Variants in TENM2 observed in about 807,000 individuals in gnomAD.
TENM2 encodes teneurin transmembrane protein 2.
TENM2 carries 52 observed loss-of-function variants against 245.2 expected under a neutral mutation model. That is an observed-to-expected ratio of 0.21 (90% confidence interval 0.17 to 0.27). The LOEUF is 0.27. Ranked by LOEUF, TENM2 falls within the 10% of genes least tolerant of loss-of-function variation. The pLI is 1.00. For synonymous variants in TENM2, 1,363 were observed against 1,438.9 expected, an observed-to-expected ratio of 0.95 and a Z score of 1.19; for missense variants, 3,046 against 3,666.8, an observed-to-expected ratio of 0.83 and a Z score of 4.37.
chr5:167,274,833 A>G, the TENM2 span, among the ~76,000 whole-genome samples: 1 of 151,900 alleles, frequency 6.6e-6, no homozygotes, highest in Non-Finnish European at 1.5e-5. Context: ...TCTTTTGCCA[A>G]TATTCTAATT....
chr5:167,494,648 A>G (rs752985997), intron 2 of TENM2, among the ~76,000 whole-genome samples: 5 of 152,138 alleles, frequency 3.3e-5, no homozygotes, highest in African/African-American at 7.2e-5. Flanking sequence ...AAGCCACCAC[A>G]TGAAAAGGAC....
chr5:167,747,784 G>A (rs1761694587), intron 2 of TENM2, among the ~76,000 whole-genome samples: 1 of 152,092 alleles, frequency 6.6e-6, no homozygotes, highest in Non-Finnish European at 1.5e-5. Context: ...GGACACAACA[G>A]GTAATCTTAT....
the TENM2 span, among the ~76,000 whole-genome samples, chr5:167,012,997 G>T: frequency 6.6e-6 from 1 of 152,186 alleles, no homozygotes. Flanking sequence ...GGGGAATATA[G>T]TAGTACAAGG....
chr5:167,005,519 C>T, the TENM2 span, among the ~76,000 whole-genome samples: 8 of 151,682 alleles, frequency 5.3e-5, no homozygotes, highest in African/African-American at 1.7e-4. Flanking sequence ...ATGAATAATG[C>T]GTACTATACT....
intron 5 of TENM2, among the ~76,000 whole-genome samples, chr5:168,013,393 C>T (rs561779408): frequency 6.6e-6 from 1 of 152,222 alleles, no homozygotes; most frequent in South Asian, 2.1e-4. Flanking sequence ...CACCTGAGGT[C>T]AGGAGTTCAA....
intron 2 of TENM2, among the ~76,000 whole-genome samples, chr5:167,565,845 C>G (rs760327782): frequency 3.9e-5 from 6 of 152,126 alleles, no homozygotes; most frequent in Non-Finnish European, 8.8e-5. Context: ...CATGAAAACA[C>G]CCAAAAAGAT....
At chr5:167,281,316 C>T (rs1211345657), upstream of TENM2, among the ~76,000 whole-genome samples, 2 of 150,118 alleles carry the variant, frequency 1.3e-5, no homozygotes, top group East Asian at 2.0e-4. Flanking sequence ...GGGATTTCCT[C>T]ATCTTGGCCA....
chr5:167,663,853 C>T (rs959935015), intron 2 of TENM2, among the ~76,000 whole-genome samples: 1 of 152,112 alleles, frequency 6.6e-6, no homozygotes, highest in African/African-American at 2.4e-5. Flanking sequence ...GAACATATCA[C>T]TTCTAGAAGT....
rs186337884 is a variant in TENM2, at chr5:167,513,866, T to A, written c.502+138393T>A. Among the ~76,000 whole-genome samples the A allele has an allele frequency of 3.2e-4, 48 of 152,296 alleles. 1 individual carries two copies. Among genetic ancestry groups the A allele is most frequent in the Admixed American group, 8.5e-4 (13 of 15,288 alleles). On this transcript the variant is annotated intron_variant, in intron 2 of 28. Transcript: ENST00000518659. ...TCGAGTTGGCGAGCAGTCATCATCC[T>A]GCTGACTAAGACCCCATTCTCCTGG... is the stretch of plus-strand genomic sequence containing the variant.
intron 19 of TENM2, among the ~76,000 whole-genome samples, chr5:168,205,317 GA>G (rs74817019): frequency 0.013 from 1,809 of 141,666 alleles, 22 homozygotes; most frequent in African/African-American, 0.021. Context: ...TTTCTGGCTA[GA>G]AAAAAAAAAA....
At chr5:167,113,267 A>G in the TENM2 span, among the ~76,000 whole-genome samples, 1 of 152,278 alleles carries the variant, frequency 6.6e-6, no homozygotes, top group African/African-American at 2.4e-5. Flanking sequence ...TCACATGTAA[A>G]GGCAATGACA....
intron 3 of TENM2, among the ~76,000 whole-genome samples, chr5:167,926,047 C>T (rs997172915): frequency 3.9e-5 from 6 of 152,082 alleles, no homozygotes; most frequent in Admixed American, 1.3e-4. Context: ...GTACAACAAA[C>T]TCCCAAGACA....
chr5:167,584,436 A>G (rs1051869473), intron 2 of TENM2, among the ~76,000 whole-genome samples: 4 of 152,192 alleles, frequency 2.6e-5, no homozygotes, highest in African/African-American at 9.7e-5. Context: ...ACTCTCTGCA[A>G]ATGAAGACTT....
At chr5:167,465,263 G>A (rs1436945025) in intron 2 of TENM2, among the ~76,000 whole-genome samples, 1 of 152,210 alleles carries the variant, frequency 6.6e-6, no homozygotes, top group African/African-American at 2.4e-5. Flanking sequence ...CCATGTAACG[G>A]AGTTTCTGGA....
At chr5:167,470,454 C>CTTTTTGTT (rs1766941067) in intron 2 of TENM2, among the ~76,000 whole-genome samples, 1 of 47,394 alleles carries the variant, frequency 2.1e-5, no homozygotes, top group African/African-American at 8.4e-5. Flanking sequence ...GCAATGCTTG[C>CTTTTTGTT]TTTTTTTTTT....
rs1342350737 is a variant in TENM2 at position 167,802,874 on chromosome 5, AT to A, written c.503-73111del. On this transcript the variant is annotated intron_variant, in intron 2 of 28. Coordinates refer to ENST00000518659, the Ensembl canonical transcript of TENM2. The stretch of plus-strand genomic sequence containing the variant: ...ACCTGTCAACCTTCATTCTTTCACT[AT>A]GAGACTAGCAGGTATTTCCTAAGAT... 2.0e-5 allele frequency among the ~76,000 whole-genome samples: 3 copies of A among 152,202 alleles called. No homozygotes were observed. The East Asian group carries it at 5.8e-4, about 29-fold the overall frequency.
intron 2 of TENM2, among the ~76,000 whole-genome samples, chr5:167,568,758 CA>C (rs1774078283): frequency 6.6e-6 from 1 of 151,668 alleles, no homozygotes; most frequent in South Asian, 2.1e-4. Context: ...TCACCATGTA[CA>C]CAGAAAAACA....
chr5:167,428,642 T>C (rs1764026043), intron 2 of TENM2, among the ~76,000 whole-genome samples: 1 of 152,234 alleles, frequency 6.6e-6, no homozygotes, highest in African/African-American at 2.4e-5. Flanking sequence ...CAGTGTGTCA[T>C]ACTGAAGGCT....
the TENM2 span, among the ~76,000 whole-genome samples, chr5:166,983,027 T>C: frequency 6.6e-6 from 1 of 152,102 alleles, no homozygotes; most frequent in African/African-American, 2.4e-5. Flanking sequence ...TGTTCAGTAC[T>C]ATGCACTATC....
Sources: gnomAD v4.1 joint callset for allele counts (sites outside exome capture counted in the v4.1 genomes callset) on GRCh38, gnomAD v4.1.1 for gene constraint, MANE v1.5 for transcripts, NCBI Gene and HGNC (gene_info 2026-07-23, HGNC 2026-07-21) for gene names.